The following ZNF827 variants were observed in gnomAD, a reference collection of about 807,000 sequenced individuals.
The protein encoded by ZNF827 is zinc finger protein 827.
A neutral mutation model predicts 102.4 loss-of-function variants in ZNF827; 13 were observed. That is an observed-to-expected ratio of 0.13 (90% CI 0.08 to 0.20). The LOEUF is 0.20. Ranked by LOEUF, ZNF827 falls within the 10% of genes least tolerant of loss-of-function variation. The pLI is 1.00. For missense variants in ZNF827, 1,103 were observed against 1,344.4 expected, an observed-to-expected ratio of 0.82 and a Z score of 2.81; for synonymous variants, 523 against 536.2, an observed-to-expected ratio of 0.98 and a Z score of 0.34.
chr4:145,823,259 A>G (rs192668645), intron 8 of ZNF827, among the ~76,000 whole-genome samples, 163 bp downstream of exon 8: 1 of 152,384 alleles, frequency 6.6e-6, no homozygotes, highest in East Asian at 1.9e-4. Context: ...TTTTATTTTA[A>G]TAAACTTTTG....
intron 4 of ZNF827, among the ~76,000 whole-genome samples, chr4:145,883,947 A>G (rs1033982704): frequency 1.3e-5 from 2 of 152,208 alleles, no homozygotes; most frequent in Non-Finnish European, 2.9e-5. Flanking sequence ...CATGGAATAC[A>G]TGAAAACATG....
rs753071464 is a variant in ZNF827 at position 145,902,312 on chromosome 4, G to A, written c.947C>T (p.Pro316Leu). 1.6e-5 allele frequency: 25 copies of A among 1,600,008 alleles called. No homozygotes were observed. Among genetic ancestry groups the A allele is most frequent in the South Asian group, 2.3e-5 (2 of 88,468 alleles). Residue 316 changes from proline to leucine, a missense_variant, in exon 2 of 15, where the codon CCG (proline) becomes CTG (leucine). Pro to Leu is a moderately conservative substitution (Grantham distance 98). This residue lies in a region of ZNF827 where 441 missense variants were observed against 458.6 expected (regional missense o/e 0.96). Coordinates refer to ENST00000508784, the MANE Select transcript of ZNF827 (RefSeq NM_001306215.2). This position sits in a 1 kb window ranked among gnomAD's most constrained non-coding sequence, Gnocchi z 4.3. ...KSSLLPEDPL[P>L]PPPSEKKPEK... ...TGGTTTCTTCTCTGAAGGCGGGGGC[G>A]GTAGAGGGTCCTCAGGCAGCAGCGA...
intron 8 of ZNF827, among the ~76,000 whole-genome samples, chr4:145,804,197 T>C (rs1443655203): frequency 1.3e-5 from 2 of 152,202 alleles, no homozygotes; most frequent in Non-Finnish European, 2.9e-5. Context: ...TAAAGGTTTC[T>C]CCTCTCTCCA....
chr4:145,882,092 T>C (rs1321529727), intron 4 of ZNF827, among the ~76,000 whole-genome samples: 1 of 152,212 alleles, frequency 6.6e-6, no homozygotes, highest in Non-Finnish European at 1.5e-5. Context: ...CTGCTGGCTA[T>C]GGGTGACAAG....
intron 1 of ZNF827, among the ~76,000 whole-genome samples, chr4:145,925,197 G>T (rs768551462): frequency 5.3e-5 from 8 of 152,150 alleles, no homozygotes; most frequent in Admixed American, 2.6e-4. Flanking sequence ...CCTCGCACTA[G>T]ATCCCTGCCA....
chr4:145,787,540 T>A (rs1398283306), intron 8 of ZNF827, among the ~76,000 whole-genome samples: 1 of 152,082 alleles, frequency 6.6e-6, no homozygotes, highest in African/African-American at 2.4e-5. Flanking sequence ...AGATTCTTTT[T>A]AGATGTAAGA....
intron 3 of ZNF827, among the ~76,000 whole-genome samples, chr4:145,891,649 A>T (rs1448419362): frequency 2.0e-5 from 3 of 152,238 alleles, no homozygotes; most frequent in Non-Finnish European, 4.4e-5. Flanking sequence ...AGCTCAAACA[A>T]TGACAGCCTC....
chr4:145,869,799 T>C (rs1748525084), intron 5 of ZNF827, among the ~76,000 whole-genome samples: 1 of 152,228 alleles, frequency 6.6e-6, no homozygotes, highest in Non-Finnish European at 1.5e-5. Context: ...GGTAATTACT[T>C]CAAGTGCCAT....
In ZNF827 at chr4:145,835,730, G is replaced by A. The variant is rs1363643701; in HGVS notation, c.2279+10226C>T. ...CCTAATCACCCTTACCCCACTCAACGCCAGTATCCCATCCCGCAGCACGCT... is the reference window on the plus strand; with the variant it reads ...CCTAATCACCCTTACCCCACTCAACACCAGTATCCCATCCCGCAGCACGCT... On this transcript the variant is annotated intron_variant, in intron 7 of 14. Coordinates refer to ENST00000508784, the MANE Select transcript of ZNF827 (RefSeq NM_001306215.2). Among the ~76,000 whole-genome samples the A allele has an allele frequency of 2.5e-5, 3 of 117,938 alleles. 1 individual carries two copies. Among genetic ancestry groups the A allele is most frequent in the African/African-American group, 3.1e-5 (1 of 32,100 alleles). The allele number at this position is 117,938 out of a possible 152,430, so 77.4% of individuals were successfully genotyped here. A position where few individuals can be genotyped will look rare whatever the true frequency, so the allele number is the denominator to read the frequency against.
chr4:145,897,296 A>C (rs1751055844), intron 2 of ZNF827, among the ~76,000 whole-genome samples: 1 of 152,240 alleles, frequency 6.6e-6, no homozygotes, highest in Non-Finnish European at 1.5e-5. Context: ...GTATTTTTAA[A>C]ACAAATGTAA....
Position 145,896,974 on chromosome 4 carries a change from T to C in ZNF827, c.1094-4559A>G, listed in dbSNP as rs938508562. 5.9e-5 allele frequency among the ~76,000 whole-genome samples: 9 copies of C among 152,342 alleles called. 1 individual carries two copies. In the East Asian group the frequency reaches 1.7e-3, roughly 29 times the overall value. On this transcript the variant is annotated intron_variant, in intron 2 of 14. Transcript: ENST00000508784. ...AAAAAAAGAGTTTGTTTTGAGTTAA[T>C]AAACAGAGTTTTAAAACACTGAGCT...
intron 5 of ZNF827, among the ~76,000 whole-genome samples, chr4:145,850,471 C>G (rs758874030): frequency 4.6e-4 from 70 of 152,080 alleles, no homozygotes; most frequent in Non-Finnish European, 1.3e-4. Flanking sequence ...GGAGCAACAC[C>G]CAGAAAAACA....
chr4:145,925,890 C>G (rs1029963181), intron 1 of ZNF827, among the ~76,000 whole-genome samples: 1 of 152,230 alleles, frequency 6.6e-6, no homozygotes, highest in Non-Finnish European at 1.5e-5. Flanking sequence ...TTCATAAACA[C>G]AACATCTGCT....
chr4:145,856,304 G>A (rs1420662476), intron 5 of ZNF827, among the ~76,000 whole-genome samples: 1 of 152,136 alleles, frequency 6.6e-6, no homozygotes, highest in Non-Finnish European at 1.5e-5. Context: ...GCCAAGACAA[G>A]TTTTATGTTC....
At chr4:145,852,636 T>C (rs72723890) in intron 5 of ZNF827, among the ~76,000 whole-genome samples, 3,111 of 152,294 alleles carry the variant, frequency 0.02, 55 homozygotes, top group Non-Finnish European at 0.028. Context: ...TCGGTACTAC[T>C]GACATTTGGG....
Position 145,770,297 on chromosome 4 carries a change from TTAAAATAAATAAATAAATAAA to T in ZNF827, c.2860+4188_2860+4208del, listed in dbSNP as rs1262443672. ...CTCGGCAACAGAGTGAGACCCTGTC[TTAAAATAAATAAATAAATAAA>T]TAAATAAATAAATAAATAAATAAAT... On this transcript the variant is annotated intron_variant, in intron 11 of 14. Transcript: ENST00000508784. Among the ~76,000 whole-genome samples, 189 of 141,188 alleles carry T rather than the reference TTAAAATAAATAAATAAATAAA, an allele frequency of 1.3e-3. 1 individual carries two copies. Among genetic ancestry groups the T allele is most frequent in the African/African-American group, 4.8e-3 (177 of 36,894 alleles). 92.6% of individuals were successfully genotyped at this position (141,188 alleles called of 152,430 possible).
intron 7 of ZNF827, among the ~76,000 whole-genome samples, chr4:145,827,430 T>C (rs750297243): frequency 1.3e-5 from 2 of 152,214 alleles, no homozygotes; most frequent in African/African-American, 2.4e-5. Flanking sequence ...TATTTCCCTA[T>C]AGAAGTTAAG....
Position 145,764,971 on chromosome 4 carries a change from G to A in ZNF827, c.3230+17C>T. The A allele has an allele frequency of 6.2e-7, 1 of 1,611,248 alleles. No homozygotes were observed. Among genetic ancestry groups the A allele is most frequent in the Non-Finnish European group, 8.5e-7 (1 of 1,178,468 alleles). ...TAATAACAACGCAGTAAAAGGTTCT[G>A]TACTTGCTTTCCTTACTTGAGCCCA... is the stretch of plus-strand genomic sequence containing the variant. On this transcript the variant is annotated intron_variant, in intron 13 of 14. Transcript: ENST00000508784.
At chr4:145,932,150 G>C (rs1561092196) in intron 1 of ZNF827, among the ~76,000 whole-genome samples, 1 of 152,134 alleles carries the variant, frequency 6.6e-6, no homozygotes, top group Non-Finnish European at 1.5e-5. Context: ...CCTTGATCTT[G>C]GACTTCCCAA....
Sources: allele counts gnomAD v4.1 joint callset (sites outside exome capture counted in the v4.1 genomes callset), GRCh38; gene constraint gnomAD v4.1.1; regional missense constraint gnomAD v4.1.1; non-coding constraint Gnocchi (gnomAD v3.1); transcripts MANE v1.5; gene names NCBI Gene and HGNC (gene_info 2026-07-23, HGNC 2026-07-21).